UNC13C: variants seen among roughly 807,000 people sequenced by gnomAD.
UNC13C encodes the protein protein unc-13 homolog C.
Under a neutral mutation model 245.4 loss-of-function variants are expected in UNC13C, and 174 were observed. The ratio of observed to expected loss-of-function variants is 0.71; its 90% confidence interval spans 0.63 to 0.80. The LOEUF is 0.80. UNC13C is among the 30% of genes least tolerant of loss of function. UNC13C has a pLI of 0.00. For synonymous variants in UNC13C, 992 were observed against 895.1 expected, an observed-to-expected ratio of 1.11 and a Z score of -1.93; for missense variants, 2,829 against 2,602.9, an observed-to-expected ratio of 1.09 and a Z score of -1.89.
chr15:54,416,235 A>G (rs918534687), intron 19 of UNC13C, among the ~76,000 whole-genome samples: 1 of 152,224 alleles, frequency 6.6e-6, no homozygotes, highest in African/African-American at 2.4e-5. Context: ...TTTGATTACA[A>G]TATGGAAAAT....
chr15:54,365,420 AC>A (rs1285873829), intron 17 of UNC13C, among the ~76,000 whole-genome samples: 2 of 152,098 alleles, frequency 1.3e-5, no homozygotes, highest in Admixed American at 6.6e-5. Flanking sequence ...ATATTTAAAA[AC>A]TGTACATATT....
intron 2 of UNC13C, among the ~76,000 whole-genome samples, chr15:54,031,047 T>C (rs976200657): frequency 6.6e-6 from 1 of 152,160 alleles, no homozygotes; most frequent in African/African-American, 2.4e-5. Flanking sequence ...AATTATCAAG[T>C]ATCTAGTAGC....
chr15:54,595,483 A>T (rs896480514), intron 30 of UNC13C, among the ~76,000 whole-genome samples: 1 of 152,064 alleles, frequency 6.6e-6, no homozygotes, highest in East Asian at 1.9e-4. Flanking sequence ...TCCTCTCAGG[A>T]TTGCTGGTTT....
chr15:53,871,663 C>T, the UNC13C span, among the ~76,000 whole-genome samples: 1 of 152,266 alleles, frequency 6.6e-6, no homozygotes, highest in African/African-American at 2.4e-5. Flanking sequence ...CAGCAAATTT[C>T]CAGGAGACTC....
chr15:54,174,069 T>A (rs1006461783), intron 4 of UNC13C, among the ~76,000 whole-genome samples: 4 of 152,190 alleles, frequency 2.6e-5, no homozygotes, highest in African/African-American at 9.6e-5. Context: ...ATTTCCCTTT[T>A]TATCTGTTTG....
In UNC13C at chr15:54,393,135, A is replaced by G; in HGVS notation, c.4801A>G (p.Thr1601Ala). 1 of 1,610,450 alleles carries G rather than the reference A, an allele frequency of 6.2e-7. No individual in the cohort carries two copies. Among genetic ancestry groups the G allele is most frequent in the Middle Eastern group, 1.7e-4 (1 of 6,040 alleles). ...FWPQLITLMVTIIDEDKTAYT... is the reference protein window; with the variant it reads ...FWPQLITLMVAIIDEDKTAYT... ...GCCCCAACTTATTACACTGATGGTT[A>G]CTATTATTGATGAGGATAAAACTGC... Residue 1601 changes from threonine to alanine, a missense_variant, in exon 18 of 33, where the codon ACT becomes GCT. Transcript: ENST00000260323.
chr15:54,181,095 C>G (rs1220751958), intron 4 of UNC13C, among the ~76,000 whole-genome samples: 5 of 151,702 alleles, frequency 3.3e-5, no homozygotes, highest in Admixed American at 2.6e-4. Flanking sequence ...ATGGTGTTTT[C>G]TATGTTTTCT....
chr15:54,301,624 T>C (rs2037585352), intron 13 of UNC13C, among the ~76,000 whole-genome samples: 1 of 152,206 alleles, frequency 6.6e-6, no homozygotes, highest in Non-Finnish European at 1.5e-5. Flanking sequence ...GAACTCATCC[T>C]TTTTTATAGC....
intron 19 of UNC13C, among the ~76,000 whole-genome samples, chr15:54,490,422 G>T (rs1283850779): frequency 6.6e-6 from 1 of 152,180 alleles, no homozygotes; most frequent in Non-Finnish European, 1.5e-5. Flanking sequence ...TGAAGAGACT[G>T]CAGGAATGTA....
intron 10 of UNC13C, among the ~76,000 whole-genome samples, chr15:54,287,172 T>G (rs930284745): frequency 3.3e-5 from 5 of 152,170 alleles, no homozygotes; most frequent in Non-Finnish European, 5.9e-5. Context: ...TCTCCCACTA[T>G]TACACATGAT....
intron 4 of UNC13C, among the ~76,000 whole-genome samples, chr15:54,151,657 G>A (rs1046591430): frequency 6.6e-6 from 1 of 152,108 alleles, no homozygotes; most frequent in Non-Finnish European, 1.5e-5. Flanking sequence ...GCCACCCTGG[G>A]CCTCCCAAAG....
chr15:54,335,308 C>T (rs1052997724), intron 16 of UNC13C, among the ~76,000 whole-genome samples: 2 of 152,056 alleles, frequency 1.3e-5, no homozygotes, highest in Non-Finnish European at 2.9e-5. Context: ...AGTTCATTTC[C>T]CTTAATAGCA....
intron 19 of UNC13C, among the ~76,000 whole-genome samples, chr15:54,465,813 A>G (rs1332862228): frequency 6.6e-6 from 1 of 152,042 alleles, no homozygotes; most frequent in African/African-American, 2.4e-5. Context: ...TTAAGACTAC[A>G]TAAGAAGCAA....
chr15:54,234,902 G>T (rs1432792586), intron 4 of UNC13C, 128 bp from the exon 5 acceptor site: 1 of 752,178 alleles, frequency 1.3e-6, no homozygotes, highest in Non-Finnish European at 2.2e-6. Flanking sequence ...TTGCAGCTTT[G>T]TGAATCGTTT....
At chr15:54,403,533 A>G (rs1425742817) in intron 18 of UNC13C, among the ~76,000 whole-genome samples, 2 of 152,042 alleles carry the variant, frequency 1.3e-5, no homozygotes, top group East Asian at 3.9e-4. Context: ...ATCAGTACAT[A>G]GTGAGACCCC....
At chr15:54,188,442 A>G (rs2034069629) in intron 4 of UNC13C, among the ~76,000 whole-genome samples, 1 of 152,176 alleles carries the variant, frequency 6.6e-6, no homozygotes. Context: ...TAATTGAATA[A>G]TTACATACAA....
In UNC13C at chr15:54,267,872, G is replaced by A. The variant is rs146802165; in HGVS notation, c.3818+2376G>A. Among the ~76,000 whole-genome samples, 549 of 151,972 alleles carry A rather than the reference G, an allele frequency of 3.6e-3. 3 individuals are homozygous for A. The highest frequency in any genetic ancestry group is 0.013 in the African/African-American group (539 of 41,464). ...TATTCATTCTGCTGTCTGTTTGGAG[G>A]CTCTACTTGAATACATATTAGGCCT... On this transcript the variant is annotated intron_variant, in intron 10 of 32. Transcript: ENST00000260323.
chr15:53,939,576 CA>C, the UNC13C span, among the ~76,000 whole-genome samples: 1 of 152,114 alleles, frequency 6.6e-6, no homozygotes, highest in Non-Finnish European at 1.5e-5. Flanking sequence ...AACATTGATG[CA>C]AAAATCCTCA....
At chr15:54,197,893 A>G (rs982488121) in intron 4 of UNC13C, among the ~76,000 whole-genome samples, 9 of 152,068 alleles carry the variant, frequency 5.9e-5, no homozygotes, top group African/African-American at 1.9e-4. Flanking sequence ...GTCTTTTTGC[A>G]TTATCAACAA....
Sources: allele counts gnomAD v4.1 joint callset (sites outside exome capture counted in the v4.1 genomes callset), GRCh38; gene constraint gnomAD v4.1.1; transcripts MANE v1.5; gene names NCBI Gene and HGNC (gene_info 2026-07-23, HGNC 2026-07-21).